Variants in UGT2B17 observed in about 807,000 individuals in gnomAD.
The protein encoded by UGT2B17 is UDP-glucuronosyltransferase 2B17.
Under a neutral mutation model 48.2 loss-of-function variants are expected in UGT2B17, and 21 were observed. The observed-to-expected ratio is 0.44, with a 90% CI of 0.31 to 0.63. UGT2B17 has a LOEUF of 0.63. UGT2B17 is among the 20% of genes least tolerant of loss of function. UGT2B17 has a pLI of 0.08. For missense variants in UGT2B17, 402 were observed against 696.1 expected, an observed-to-expected ratio of 0.58 and a Z score of 4.75; for synonymous variants, 146 against 238.4, an observed-to-expected ratio of 0.61 and a Z score of 3.57.
intron 6 of UGT2B17, among the ~76,000 whole-genome samples, chr4:68,539,285 A>C (rs1199292791): frequency 1.6e-5 from 2 of 125,440 alleles, no homozygotes; most frequent in Non-Finnish European, 3.4e-5. Flanking sequence ...CCTGAATTCT[A>C]ATATCATAGA....
At chr4:68,551,763 A>C in intron 5 of UGT2B17, 61 bp downstream of exon 5, 1 of 1,059,672 alleles carries the variant, frequency 9.4e-7, no homozygotes, top group Non-Finnish European at 1.2e-6. Context: ...TTATGTTGAA[A>C]TATTATCACT....
chr4:68,557,311 G>A (rs1174582046), intron 4 of UGT2B17, among the ~76,000 whole-genome samples: 1 of 124,298 alleles, frequency 8.0e-6, no homozygotes, highest in African/African-American at 2.7e-5. Flanking sequence ...TTTATACTCA[G>A]CCATGAAATT....
chr4:68,555,941 T>G (rs1578168531), intron 4 of UGT2B17, among the ~76,000 whole-genome samples: 1 of 88,088 alleles, frequency 1.1e-5, no homozygotes, highest in African/African-American at 3.5e-5. Context: ...TTTTTTTTTT[T>G]GTAAAAAGCT....
At chr4:68,544,354 A>G (rs1730750576) in intron 6 of UGT2B17, among the ~76,000 whole-genome samples, 3 of 125,702 alleles carry the variant, frequency 2.4e-5, no homozygotes, top group Non-Finnish European at 3.4e-5. Context: ...TGAAGGAGAA[A>G]TAAAATAAAA....
chr4:68,550,217 A>G lies in UGT2B17; in HGVS notation c.1313+460T>C, dbSNP rs1730890133. Among the ~76,000 whole-genome samples, 2 of 124,968 alleles carry G rather than the reference A, an allele frequency of 1.6e-5. 1 individual carries two copies. Among genetic ancestry groups the G allele is most frequent in the South Asian group, 7.6e-4 (2 of 2,638 alleles). 82.0% of individuals were successfully genotyped at this position (124,968 alleles called of 152,430 possible). On this transcript the variant is annotated intron_variant, in intron 6 of 6. Transcript: ENST00000317746. The stretch of plus-strand genomic sequence containing the variant: ...TCGTAACTATGTAAACATACTAAAT[A>G]TATTTAGATTTTAAATTTTAGTGAA...
intron 6 of UGT2B17, 143 bp from the exon 7 acceptor site, chr4:68,538,047 A>G: frequency 1.6e-6 from 1 of 633,654 alleles, no homozygotes; most frequent in Non-Finnish European, 2.1e-6. Context: ...TAATGTTTTA[A>G]TGTATGTCAT....
At chr4:68,565,888 C>T (rs1731190208) in intron 2 of UGT2B17, among the ~76,000 whole-genome samples, 168 bp from the exon 3 acceptor site, 2 of 116,170 alleles carry the variant, frequency 1.7e-5, no homozygotes, top group South Asian at 7.7e-4. Flanking sequence ...TAATATAATA[C>T]ATTATATTAA....
Position 68,540,953 on chromosome 4 carries a change from T to C in UGT2B17, c.1314-3049A>G, listed in dbSNP as rs1038862813. ...GGATAATGGCTTTGAGTTTCATCCA[T>C]GTCCCTGCAACAGACATAATCTCAT... is the stretch of plus-strand genomic sequence containing the variant. On this transcript the variant is annotated intron_variant, in intron 6 of 6. Coordinates refer to ENST00000317746, the MANE Select transcript of UGT2B17 (RefSeq NM_001077.4). Among the ~76,000 whole-genome samples the C allele has an allele frequency of 4.0e-5, 5 of 125,962 alleles. 2 individuals are homozygous for C. Among genetic ancestry groups the C allele is most frequent in the Non-Finnish European group, 8.4e-5 (5 of 59,578 alleles). 82.6% of individuals were successfully genotyped at this position (125,962 alleles called of 152,430 possible).
At position 68,562,852 on chromosome 4, in the gene UGT2B17, A is replaced by C. The variant is rs552462861; in HGVS notation, c.874-2184T>G. Reference sequence around the variant, plus strand: ...ATATGCCTTTTTATCCTACAAAAAAATTGTGATCTTGTTCTACTCATCATT... The same window carrying C: ...ATATGCCTTTTTATCCTACAAAAAACTTGTGATCTTGTTCTACTCATCATT... On this transcript the variant is annotated intron_variant, in intron 3 of 6. Coordinates refer to ENST00000317746, the MANE Select transcript of UGT2B17 (RefSeq NM_001077.4). Among the ~76,000 whole-genome samples, 14 of 126,502 alleles carry C rather than the reference A, an allele frequency of 1.1e-4. 2 individuals are homozygous for C. Among genetic ancestry groups the C allele is most frequent in the African/African-American group, 3.5e-4 (13 of 37,096 alleles). 83.0% of individuals were successfully genotyped at this position (126,502 alleles called of 152,430 possible).
intron 4 of UGT2B17, among the ~76,000 whole-genome samples, chr4:68,556,451 C>T (rs1731002740): frequency 8.0e-6 from 1 of 124,738 alleles, no homozygotes; most frequent in African/African-American, 2.7e-5. Context: ...AGCTATTCAA[C>T]TCCTCAAGGT....
chr4:68,556,065 A>C (rs1473477546), intron 4 of UGT2B17, among the ~76,000 whole-genome samples: 1 of 122,700 alleles, frequency 8.1e-6, no homozygotes, highest in Non-Finnish European at 1.7e-5. Context: ...GAAAGTCCAA[A>C]CATATCATGA....
Position 68,565,184 on chromosome 4 carries a change from A to G in UGT2B17, c.873+388T>C, listed in dbSNP as rs1731174971. 1.6e-5 allele frequency among the ~76,000 whole-genome samples: 2 copies of G among 125,690 alleles called. 1 individual carries two copies. The highest frequency in any genetic ancestry group is 7.5e-4 in the South Asian group (2 of 2,678). 82.5% of individuals were successfully genotyped at this position (125,690 alleles called of 152,430 possible). ...TTTCTTTTTCACTTGTTTTTATTCT[A>G]TCTTTCAAAGTACAATGTTAGGCAT... On this transcript the variant is annotated intron_variant, in intron 3 of 6. Coordinates refer to ENST00000317746, the MANE Select transcript of UGT2B17 (RefSeq NM_001077.4).
intron 6 of UGT2B17, among the ~76,000 whole-genome samples, chr4:68,547,714 C>G (rs1305652206): frequency 1.1e-5 from 1 of 87,980 alleles, no homozygotes; most frequent in African/African-American, 2.9e-5. Context: ...ACAATGAACT[C>G]AAACAAATTT....
intron 6 of UGT2B17, among the ~76,000 whole-genome samples, chr4:68,545,493 C>G (rs1730782518): frequency 8.1e-6 from 1 of 124,100 alleles, no homozygotes; most frequent in Non-Finnish European, 1.7e-5. Context: ...AAATTGACAC[C>G]CTAACGTCAC....
chr4:68,560,947 T>A (rs1011499726), intron 3 of UGT2B17, among the ~76,000 whole-genome samples: 2 of 125,126 alleles, frequency 1.6e-5, no homozygotes, highest in African/African-American at 5.5e-5. Flanking sequence ...GAGGAGATAA[T>A]GCTAGAAAAT....
At chr4:68,537,995 C>A in intron 6 of UGT2B17, 91 bp from the exon 7 acceptor site, 1 of 904,134 alleles carries the variant, frequency 1.1e-6, no homozygotes, top group Admixed American at 3.3e-5. Flanking sequence ...AAGCGCCACA[C>A]AAGTGATTCA....
chr4:68,544,541 G>A (rs1730755198), intron 6 of UGT2B17, among the ~76,000 whole-genome samples: 1 of 125,022 alleles, frequency 8.0e-6, no homozygotes, highest in Admixed American at 8.2e-5. Flanking sequence ...ATCAACTATC[G>A]AGCAAAACAA....
At chr4:68,559,478 A>G (rs1731063539) in intron 4 of UGT2B17, among the ~76,000 whole-genome samples, 1 of 125,944 alleles carries the variant, frequency 7.9e-6, no homozygotes, top group African/African-American at 2.7e-5. Flanking sequence ...AGCTATAGCC[A>G]GTCATTACCA....
rs1730840631 is a variant in UGT2B17, at chr4:68,547,643, A to G, written c.1313+3034T>C. Reference sequence around the variant, plus strand: ...TACCATCAGATTGAACAGGCAACCTACAGAATGGGAGAACATTTTTGCAAT... The same window carrying G: ...TACCATCAGATTGAACAGGCAACCTGCAGAATGGGAGAACATTTTTGCAAT... On this transcript the variant is annotated intron_variant, in intron 6 of 6. Transcript: ENST00000317746. 1.6e-5 allele frequency among the ~76,000 whole-genome samples: 2 copies of G among 126,426 alleles called. 1 individual carries two copies. The highest frequency in any genetic ancestry group is 5.4e-5 in the African/African-American group (2 of 36,974). 82.9% of individuals were successfully genotyped at this position (126,426 alleles called of 152,430 possible). A position where few individuals can be genotyped will look rare whatever the true frequency, so the allele number is the denominator to read the frequency against.
Sources: gnomAD v4.1 joint callset for allele counts (sites outside exome capture counted in the v4.1 genomes callset) on GRCh38, gnomAD v4.1.1 for gene constraint, MANE v1.5 for transcripts, NCBI Gene and HGNC (gene_info 2026-07-23, HGNC 2026-07-21) for gene names.